The following IL15 variants were observed in gnomAD, a reference collection of about 807,000 sequenced individuals.
IL15 encodes interleukin 15.
A neutral mutation model predicts 19.6 loss-of-function variants in IL15; 11 were observed. The ratio of observed to expected loss-of-function variants is 0.56; its 90% CI spans 0.35 to 0.93. IL15 has a LOEUF of 0.93. IL15 is among the 40% of genes least tolerant of loss of function. The pLI is 0.01. For missense variants in IL15, 197 were observed against 186.5 expected (o/e 1.06, Z -0.33); for synonymous variants, 58 against 59.6 (o/e 0.97, Z 0.12).
At chr4:141,701,345 A>G (rs946645809) in intron 2 of IL15, among the ~76,000 whole-genome samples, 8 of 148,266 alleles carry the variant, frequency 5.4e-5, no homozygotes, top group African/African-American at 2.0e-4. Context: ...ATTTTATTTT[A>G]GCCTAATTTA....
intron 5 of IL15, among the ~76,000 whole-genome samples, chr4:141,725,220 A>G (rs986456955): frequency 1.3e-5 from 2 of 152,132 alleles, no homozygotes; most frequent in Non-Finnish European, 2.9e-5. Context: ...ATCTGATAAA[A>G]TGCAACACCT....
intron 2 of IL15, among the ~76,000 whole-genome samples, chr4:141,679,011 G>T (rs1208555987): frequency 6.6e-6 from 1 of 152,108 alleles, no homozygotes; most frequent in Admixed American, 6.6e-5. Context: ...TTTGAATCTT[G>T]TTTGCTTGCC....
chr4:141,688,990 G>T (rs1380758904), intron 2 of IL15: 1 of 153,306 alleles, frequency 6.5e-6, no homozygotes, highest in Admixed American at 6.5e-5. Context: ...CCTTCTGGTG[G>T]GTTCGTGGTC....
chr4:141,729,737 T>A, intron 6 of IL15, 110 bp from the exon 7 acceptor site: 1 of 641,446 alleles, frequency 1.6e-6, no homozygotes, highest in Non-Finnish European at 2.7e-6. Context: ...TTAAGGATAT[T>A]GTGTATCTTT....
intron 2 of IL15, among the ~76,000 whole-genome samples, chr4:141,702,959 G>T (rs1175449161): frequency 6.6e-6 from 1 of 152,162 alleles, no homozygotes; most frequent in Non-Finnish European, 1.5e-5. Context: ...GGGGTGGTTT[G>T]CAGGCCACTA....
At chr4:141,704,348 T>C (rs1488028491) in intron 2 of IL15, among the ~76,000 whole-genome samples, 1 of 152,198 alleles carries the variant, frequency 6.6e-6, no homozygotes, top group East Asian at 1.9e-4. Flanking sequence ...ATTTATTGAT[T>C]AGCTTGTTAT....
At chr4:141,668,109 A>C (rs552251174) in intron 2 of IL15, among the ~76,000 whole-genome samples, 1 of 152,240 alleles carries the variant, frequency 6.6e-6, no homozygotes, top group East Asian at 1.9e-4. Context: ...AGTTGTGATT[A>C]AATCACTGTA....
At chr4:141,683,912 T>C (rs1301379970) in intron 2 of IL15, among the ~76,000 whole-genome samples, 1 of 152,224 alleles carries the variant, frequency 6.6e-6, no homozygotes. Flanking sequence ...ATATTGCGAA[T>C]GGATTTGTAG....
intron 2 of IL15, among the ~76,000 whole-genome samples, chr4:141,689,931 G>C (rs1350892042): frequency 6.6e-6 from 1 of 152,176 alleles, no homozygotes; most frequent in Non-Finnish European, 1.5e-5. Context: ...GGGGAGGCTC[G>C]GGCCTCACAG....
chr4:141,687,555 G>A (rs1728749833), intron 2 of IL15, among the ~76,000 whole-genome samples: 1 of 152,180 alleles, frequency 6.6e-6, no homozygotes, highest in Non-Finnish European at 1.5e-5. Context: ...GAGGAGCTCT[G>A]AAGCCTCAAC....
At chr4:141,666,451 A>C (rs1318620770) in intron 2 of IL15, among the ~76,000 whole-genome samples, 1 of 152,094 alleles carries the variant, frequency 6.6e-6, no homozygotes, top group Non-Finnish European at 1.5e-5. Flanking sequence ...GACCTCCGGG[A>C]CTCAGGTGAT....
chr4:141,666,312 C>T (rs1212353436), intron 2 of IL15, among the ~76,000 whole-genome samples: 2 of 151,848 alleles, frequency 1.3e-5, no homozygotes, highest in Non-Finnish European at 2.9e-5. Flanking sequence ...AAAGCCGAGG[C>T]GGTCGGATCA....
intron 2 of IL15, among the ~76,000 whole-genome samples, chr4:141,666,868 C>G (rs1728005357): frequency 6.6e-6 from 1 of 152,190 alleles, no homozygotes; most frequent in Admixed American, 6.5e-5. Flanking sequence ...TCTAAACAGT[C>G]CTTGCTGGGT....
chr4:141,692,347 C>A (rs1207790296), intron 2 of IL15, among the ~76,000 whole-genome samples: 3 of 152,206 alleles, frequency 2.0e-5, no homozygotes, highest in African/African-American at 7.2e-5. Flanking sequence ...ATTGTCTTGG[C>A]AATTAACTTT....
rs187635376 is a variant in IL15 at position 141,730,097 on chromosome 4, G to A, written c.378+113G>A. 3.0e-4 allele frequency: 249 copies of A among 835,812 alleles called. 1 individual carries two copies. The Admixed American group carries it at 4.5e-3, about 15-fold the overall frequency. 51.8% of individuals were successfully genotyped at this position (835,812 alleles called of 1,614,324 possible). ...AGGGGCAATCAGGAGAAGGAGTCCT[G>A]TTCCAGTGGAGTGGTGTGCAAAAGT... On this transcript the variant is annotated intron_variant, in intron 7 of 7. Coordinates refer to ENST00000320650, the MANE Select transcript of IL15 (RefSeq NM_000585.5).
At chr4:141,683,009 G>C (rs1257519266) in intron 2 of IL15, among the ~76,000 whole-genome samples, 1 of 151,950 alleles carries the variant, frequency 6.6e-6, no homozygotes, top group Non-Finnish European at 1.5e-5. Flanking sequence ...GGTGGCTCAC[G>C]CCTGTAATCT....
At chr4:141,708,880 A>G (rs1471069619) in intron 2 of IL15, among the ~76,000 whole-genome samples, 3 of 152,108 alleles carry the variant, frequency 2.0e-5, no homozygotes, top group African/African-American at 7.2e-5. Flanking sequence ...TTGGACAGGT[A>G]TTTTAATTAT....
intron 1 of IL15, among the ~76,000 whole-genome samples, chr4:141,638,606 A>C (rs1726939201): frequency 6.6e-6 from 1 of 152,236 alleles, no homozygotes. Flanking sequence ...TAATGTAGCC[A>C]ATGTCAACAG....
Position 141,723,736 on chromosome 4 carries a change from T to C in IL15, c.195+1728T>C, listed in dbSNP as rs930124404. ...AAAGTAGACTTCACAGAAAATAAAG[T>C]TGCTATAATCCAGAGGGATATTACA... is the stretch of plus-strand genomic sequence containing the variant. On this transcript the variant is annotated intron_variant, in intron 5 of 7. Coordinates refer to ENST00000320650, the MANE Select transcript of IL15 (RefSeq NM_000585.5). Among the ~76,000 whole-genome samples, 4 of 152,104 alleles carry C rather than the reference T, an allele frequency of 2.6e-5. No individual in the cohort carries two copies. The East Asian group carries it at 7.7e-4, about 29-fold the overall frequency.
Sources: gnomAD v4.1 joint callset for allele counts (sites outside exome capture counted in the v4.1 genomes callset) on GRCh38, gnomAD v4.1.1 for gene constraint, MANE v1.5 for transcripts, NCBI Gene and HGNC (gene_info 2026-07-23, HGNC 2026-07-21) for gene names.